Variants in TBC1D5 observed in about 807,000 individuals in gnomAD.
TBC1D5 encodes TBC1 domain family, member 5.
Under a neutral mutation model 100.3 loss-of-function variants are expected in TBC1D5, and 75 were observed. The ratio of observed to expected loss-of-function variants is 0.75; its 90% CI spans 0.62 to 0.91. TBC1D5 has a LOEUF of 0.91. Among genes scored for constraint, TBC1D5 ranks in the 40% least tolerant of loss-of-function variants. The probability of loss-of-function intolerance (pLI) is 0.00; values close to 1 mark genes in which losing one functional copy is unlikely to be tolerated. For missense variants in TBC1D5, 910 were observed against 942.4 expected, an observed-to-expected ratio of 0.97 and a Z score of 0.45; for synonymous variants, 323 against 325.6, an observed-to-expected ratio of 0.99 and a Z score of 0.09.
At chr3:17,312,673 C>A (rs2084174316) in intron 13 of TBC1D5, among the ~76,000 whole-genome samples, 1 of 152,236 alleles carries the variant, frequency 6.6e-6, no homozygotes, top group Non-Finnish European at 1.5e-5. Context: ...AGTACACAGC[C>A]CTTTATTAAG....
intron 1 of TBC1D5, among the ~76,000 whole-genome samples, chr3:17,698,143 T>C (rs2072460011): frequency 6.6e-6 from 1 of 151,048 alleles, no homozygotes; most frequent in African/African-American, 2.4e-5. Flanking sequence ...CTTCAAACTA[T>C]ACTACAAGGC....
chr3:17,715,229 C>T (rs1261313922), intron 1 of TBC1D5, among the ~76,000 whole-genome samples: 1 of 152,178 alleles, frequency 6.6e-6, no homozygotes, highest in Non-Finnish European at 1.5e-5. Flanking sequence ...TGTGAAATTA[C>T]TTCCATAACA....
chr3:17,390,874 T>A (rs2093331118), intron 8 of TBC1D5, among the ~76,000 whole-genome samples: 1 of 152,168 alleles, frequency 6.6e-6, no homozygotes, highest in Non-Finnish European at 1.5e-5. Flanking sequence ...TTTTGGTTGG[T>A]AATTTCCATT....
intron 2 of TBC1D5, among the ~76,000 whole-genome samples, chr3:17,600,298 T>C (rs980588516): frequency 1.3e-5 from 2 of 152,226 alleles, no homozygotes; most frequent in East Asian, 1.9e-4. Context: ...GGTTTGCATT[T>C]TGATTACTTG....
At chr3:17,689,536 A>G (rs2070797639) in intron 1 of TBC1D5, among the ~76,000 whole-genome samples, 1 of 150,122 alleles carries the variant, frequency 6.7e-6, no homozygotes. Context: ...AAAAAAAAAA[A>G]GAAAAGAAAA....
intron 19 of TBC1D5, among the ~76,000 whole-genome samples, chr3:17,173,490 G>C (rs981440878): frequency 6.6e-6 from 1 of 152,136 alleles, no homozygotes; most frequent in African/African-American, 2.4e-5. Flanking sequence ...AAGGGCTTGG[G>C]TTTTGATGAC....
At chr3:17,541,333 CTTTAA>C (rs994804898) in intron 2 of TBC1D5, among the ~76,000 whole-genome samples, 13 of 151,874 alleles carry the variant, frequency 8.6e-5, no homozygotes, top group Admixed American at 6.6e-4. Flanking sequence ...TTATTTATGT[CTTTAA>C]TTTATTTCAA....
intron 15 of TBC1D5, among the ~76,000 whole-genome samples, chr3:17,267,418 C>T (rs1214703871): frequency 1.3e-5 from 2 of 151,868 alleles, no homozygotes; most frequent in Non-Finnish European, 2.9e-5. Flanking sequence ...TACTTCAACG[C>T]TTTAAGAAAT....
At chr3:17,403,010 A>G (rs994751009) in intron 8 of TBC1D5, among the ~76,000 whole-genome samples, 171 bp downstream of exon 8, 2 of 152,142 alleles carry the variant, frequency 1.3e-5, no homozygotes, top group African/African-American at 4.8e-5. Flanking sequence ...GTGTATCATT[A>G]GAGTAGAAAA....
chr3:17,598,001 C>A (rs961505829), intron 2 of TBC1D5, among the ~76,000 whole-genome samples: 2 of 109,058 alleles, frequency 1.8e-5, no homozygotes, highest in Admixed American at 8.8e-5. Flanking sequence ...CCATTCCCTG[C>A]CCCCCCGCCC....
chr3:17,204,463 C>A (rs1420293359), intron 18 of TBC1D5, among the ~76,000 whole-genome samples: 1 of 152,212 alleles, frequency 6.6e-6, no homozygotes, highest in African/African-American at 2.4e-5. Context: ...CAAAATATTT[C>A]TGGCCTGGGA....
At chr3:17,379,728 G>T (rs1433289693) in intron 9 of TBC1D5, among the ~76,000 whole-genome samples, 1 of 151,944 alleles carries the variant, frequency 6.6e-6, no homozygotes, top group Non-Finnish European at 1.5e-5. Context: ...ATACCATGCT[G>T]TTTTTATACA....
chr3:17,402,505 G>T (rs367927209), intron 8 of TBC1D5, among the ~76,000 whole-genome samples: 20 of 152,216 alleles, frequency 1.3e-4, no homozygotes, highest in African/African-American at 4.1e-4. Context: ...CATAAGAGAT[G>T]ATTACTATTA....
At chr3:17,246,683 C>T (rs1465852054) in intron 16 of TBC1D5, among the ~76,000 whole-genome samples, 3 of 152,298 alleles carry the variant, frequency 2.0e-5, no homozygotes, top group African/African-American at 7.2e-5. Context: ...AGCTGGGTAT[C>T]TATCTTGAAA....
At chr3:17,285,363 G>C (rs283920) in intron 15 of TBC1D5, among the ~76,000 whole-genome samples, 116,280 of 148,218 alleles carry the variant, frequency 0.78, 46,325 homozygotes, top group African/African-American at 0.95. Flanking sequence ...CGGGTTCACG[G>C]CATTCTCCTG....
At chr3:17,629,260 T>C (rs2063304948) in intron 1 of TBC1D5, among the ~76,000 whole-genome samples, 1 of 152,170 alleles carries the variant, frequency 6.6e-6, no homozygotes, top group Admixed American at 6.5e-5. Context: ...ACATAAATGG[T>C]AATTTAGCCA....
intron 3 of TBC1D5, among the ~76,000 whole-genome samples, chr3:17,460,928 A>G (rs1171625531): frequency 1.3e-5 from 2 of 152,198 alleles, no homozygotes; most frequent in African/African-American, 4.8e-5. Context: ...AGAGAACTGG[A>G]AACAGAAATG....
intron 1 of TBC1D5, among the ~76,000 whole-genome samples, chr3:17,706,922 G>A (rs183762888): frequency 2.4e-4 from 37 of 151,216 alleles, no homozygotes; most frequent in African/African-American, 8.0e-4. Context: ...TACATGTAAA[G>A]AGATATAGGT....
exon 10 of TBC1D5, chr3:17,376,610 T>G (rs1559753526): frequency 6.2e-7 from 1 of 1,610,564 alleles, no homozygotes; most frequent in African/African-American, 1.3e-5. Flanking sequence ...AGTTCGTGCA[T>G]GCCCTGAAAT....
Sources: allele counts gnomAD v4.1 joint callset (sites outside exome capture counted in the v4.1 genomes callset), GRCh38; gene constraint gnomAD v4.1.1; transcripts MANE v1.5; gene names NCBI Gene and HGNC (gene_info 2026-07-23, HGNC 2026-07-21).